Variants in PRDM12 observed in about 807,000 individuals in gnomAD.
PRDM12 encodes PR domain zinc finger protein 12.
Under a neutral mutation model 29.6 loss-of-function variants are expected in PRDM12, and 17 were observed. The ratio of observed to expected loss-of-function variants is 0.57; its 90% CI spans 0.39 to 0.86. The LOEUF (loss-of-function observed/expected upper bound fraction) is 0.86, where lower values mean the gene tolerates loss of function less well. Ranked by LOEUF, PRDM12 falls within the 40% of genes least tolerant of loss-of-function variation. The pLI, the probability that PRDM12 is intolerant of heterozygous loss-of-function variation, is 0.00. For synonymous variants in PRDM12, 231 were observed against 225.8 expected (o/e 1.02, Z -0.21); for missense variants, 422 against 510.8 (o/e 0.83, Z 1.68).
At chr9:130,669,764 C>G (rs536945446) in intron 3 of PRDM12, among the ~76,000 whole-genome samples, 29 of 143,256 alleles carry the variant, frequency 2.0e-4, no homozygotes, top group African/African-American at 7.3e-4. Flanking sequence ...TGCAGTGAGC[C>G]GAGATGGCAC....
chr9:130,669,428 C>T (rs1248288190), intron 3 of PRDM12, among the ~76,000 whole-genome samples: 1 of 152,022 alleles, frequency 6.6e-6, no homozygotes, highest in Non-Finnish European at 1.5e-5. Flanking sequence ...GAGGCTGAGG[C>T]ATGAGAATTG....
Position 130,681,890 on chromosome 9 carries a change from G to A in PRDM12, c.*221G>A. On this transcript the variant is annotated 3_prime_UTR_variant, in exon 5 of 5. Transcript: ENST00000253008. This position sits in a 1 kb window ranked among gnomAD's most constrained non-coding sequence, Gnocchi z 8.1. ...CGTCCCTCACCCAGGCCACGCAGCT[G>A]GTGCGGCTGTTCGGCCGCCTCCTCT... 7.1e-6 allele frequency: 2 copies of A among 283,636 alleles called. No individual in the cohort carries two copies. The highest frequency in any genetic ancestry group is 1.1e-5 in the Non-Finnish European group (2 of 188,526). 17.6% of individuals were successfully genotyped at this position (283,636 alleles called of 1,614,324 possible).
At chr9:130,675,296 G>T (rs527969661) in intron 3 of PRDM12, among the ~76,000 whole-genome samples, 1 of 152,340 alleles carries the variant, frequency 6.6e-6, no homozygotes, top group African/African-American at 2.4e-5. Context: ...GTTCAGCTGG[G>T]GGCTTGCTGA....
Position 130,664,720 on chromosome 9 carries a change from G to A in PRDM12, c.67G>A (p.Ala23Thr). The A allele has an allele frequency of 6.2e-7, 1 of 1,610,276 alleles. No homozygotes were observed. The highest frequency in any genetic ancestry group is 1.1e-5 in the South Asian group (1 of 90,890). The change falls in exon 1 of 5, where the codon GCG (alanine) becomes ACG (threonine). Residue 23 changes from alanine to threonine, a missense_variant. Physicochemically the swap from Ala to Thr is moderately conservative, Grantham distance 58. This residue lies in a region of PRDM12 where 300 missense variants were observed against 350.0 expected (regional missense o/e 0.86). Transcript: ENST00000253008. This position sits in a 1 kb window ranked among gnomAD's most constrained non-coding sequence, Gnocchi z 6.4. ...GACCGGGCTGAAGGCGCCGGGACTGGCGCTGGCCGAGGTTATCACCTCCGA... is the reference window on the plus strand; with the variant it reads ...GACCGGGCTGAAGGCGCCGGGACTGACGCTGGCCGAGGTTATCACCTCCGA... ...LKTGLKAPGL[A>T]LAEVITSDIL...
At chr9:130,679,192 G>A (rs1482111677) in intron 4 of PRDM12, among the ~76,000 whole-genome samples, 3 of 152,194 alleles carry the variant, frequency 2.0e-5, no homozygotes, top group Non-Finnish European at 4.4e-5. Context: ...GTGTCAGGGG[G>A]ACACTGCCCA....
In PRDM12 at chr9:130,681,197, C is replaced by G. The variant is rs1830896773; in HGVS notation, c.683-51C>G. On this transcript the variant is annotated intron_variant, in intron 4 of 4. Coordinates refer to ENST00000253008, the MANE Select transcript of PRDM12 (RefSeq NM_021619.3). The surrounding 1 kb of genome is among the most constrained non-coding windows in gnomAD (Gnocchi z 8.1). ...GGGCGCCGGTTCTAACGGGGCTGCT[C>G]TCTCCCCTTCTCCGTCTCCCTTCCC... 7.2e-7 allele frequency: 1 copy of G among 1,385,532 alleles called. No individual in the cohort carries two copies. 85.8% of individuals were successfully genotyped at this position (1,385,532 alleles called of 1,614,324 possible). A position where few individuals can be genotyped will look rare whatever the true frequency, so the allele number is the denominator to read the frequency against.
intron 4 of PRDM12, among the ~76,000 whole-genome samples, chr9:130,680,657 A>ATATATATATT (rs1554753115): frequency 1.1e-5 from 1 of 87,540 alleles, no homozygotes; most frequent in African/African-American, 7.0e-5. Flanking sequence ...ATATATATAT[A>ATATATATATT]TATTTTTTTT....
chr9:130,676,426 G>A (rs530711946), intron 3 of PRDM12, among the ~76,000 whole-genome samples: 6 of 152,278 alleles, frequency 3.9e-5, no homozygotes, highest in Admixed American at 2.6e-4. Flanking sequence ...AACCCAGGAG[G>A]TGGAGCTTGC....
chr9:130,664,666 G>A lies in PRDM12; in HGVS notation c.13G>A (p.Val5Met). Residue 5 changes from valine to methionine, a missense_variant, in exon 1 of 5, where the codon GTG (valine) becomes ATG (methionine). This residue lies in a region of PRDM12 where 300 missense variants were observed against 350.0 expected (regional missense o/e 0.86). Coordinates refer to ENST00000253008, the MANE Select transcript of PRDM12 (RefSeq NM_021619.3). The surrounding 1 kb of genome is among the most constrained non-coding windows in gnomAD (Gnocchi z 6.4). MMGS[V>M]LPAEALVLKT... ...CTCCGGGCCGCCCATGATGGGCTCC[G>A]TGCTCCCGGCTGAGGCCCTGGTGCT... is the stretch of plus-strand genomic sequence containing the variant. 5 of 1,546,298 alleles carry A rather than the reference G, an allele frequency of 3.2e-6. No homozygotes were observed. Among genetic ancestry groups the A allele is most frequent in the Non-Finnish European group, 3.5e-6 (4 of 1,144,268 alleles).
At position 130,681,170 on chromosome 9, in the gene PRDM12, C is replaced by T. The variant is rs1588189807; in HGVS notation, c.683-78C>T. 7.7e-7 allele frequency: 1 copy of T among 1,306,432 alleles called. No individual in the cohort carries two copies. Among genetic ancestry groups the T allele is most frequent in the East Asian group, 3.0e-5 (1 of 32,942 alleles). The allele number at this position is 1,306,432 out of a possible 1,614,324, so 80.9% of individuals were successfully genotyped here. ...CTGGGGGCGCTGAGGGCCCGGGCTG[C>T]GGGGCGCCGGTTCTAACGGGGCTGC... On this transcript the variant is annotated intron_variant, in intron 4 of 4. Coordinates refer to ENST00000253008, the MANE Select transcript of PRDM12 (RefSeq NM_021619.3). The surrounding 1 kb of genome is among the most constrained non-coding windows in gnomAD (Gnocchi z 8.1).
In PRDM12 at chr9:130,668,313, GGTGT is replaced by G. The variant is rs138789124; in HGVS notation, c.570+14_570+17del. 6.3e-7 allele frequency: 1 copy of G among 1,591,940 alleles called. No individual in the cohort carries two copies. The highest frequency in any genetic ancestry group is 1.1e-5 in the South Asian group (1 of 89,822). ...CCAGCATCTTCTACAAGGCCATTGAGGTGTGTGTGTGTGTGTGCACTGTTGTGTA... is the reference window on the plus strand; with the variant it reads ...CCAGCATCTTCTACAAGGCCATTGAGGTGTGTGTGTGTGCACTGTTGTGTA... On this transcript the variant is annotated splice_donor_variant and splice_donor_region_variant and intron_variant, in intron 3 of 4. Coordinates refer to ENST00000253008, the MANE Select transcript of PRDM12 (RefSeq NM_021619.3). LOFTEE classifies it high-confidence loss of function. This position sits in a 1 kb window ranked among gnomAD's most constrained non-coding sequence, Gnocchi z 4.0.
chr9:130,670,966 G>C (rs915916540), intron 3 of PRDM12, among the ~76,000 whole-genome samples: 7 of 152,194 alleles, frequency 4.6e-5, no homozygotes, highest in Admixed American at 3.3e-4. Context: ...AGGCAAGGAG[G>C]CTGAAGAATA....
In PRDM12 at chr9:130,678,534, C is replaced by T. The variant is rs1339543309; in HGVS notation, c.576C>T (p.Ile192=). 6.2e-7 allele frequency: 1 copy of T among 1,611,318 alleles called. No homozygotes were observed. The highest frequency in any genetic ancestry group is 1.3e-5 in the African/African-American group (1 of 74,918). The change falls in exon 4 of 5, where the codon ATC becomes ATT. Residue 192 remains isoleucine, a synonymous_variant. Transcript: ENST00000253008. ...TCTTGCCTTCTTCCCTGCAGATGAT[C>T]CCACCTGACCAGGAACTGCTGGTGT... ...TSIFYKAIEM[I]PPDQELLVWY...
Position 130,668,034 on chromosome 9 carries a change from A to G in PRDM12, c.415-124A>G. 7.8e-7 allele frequency: 1 copy of G among 1,283,900 alleles called. No individual in the cohort carries two copies. The highest frequency in any genetic ancestry group is 1.1e-6 in the Non-Finnish European group (1 of 930,406). 79.5% of individuals were successfully genotyped at this position (1,283,900 alleles called of 1,614,324 possible). ...CCAGCCTTCCTTTCTTCAGTGGGAA[A>G]ATGAAGCTTTATCCACTTCCTGGGG... On this transcript the variant is annotated intron_variant, in intron 2 of 4. Transcript: ENST00000253008. The surrounding 1 kb of genome is among the most constrained non-coding windows in gnomAD (Gnocchi z 4.0).
In PRDM12 at chr9:130,664,668, G is replaced by T; in HGVS notation, c.15G>T (p.Val5=). 1.3e-6 allele frequency: 2 copies of T among 1,596,560 alleles called. No homozygotes were observed. The highest frequency in any genetic ancestry group is 8.5e-7 in the Non-Finnish European group (1 of 1,175,194). The change falls in exon 1 of 5, where the codon GTG becomes GTT. Residue 5 remains valine, a synonymous_variant. Coordinates refer to ENST00000253008, the MANE Select transcript of PRDM12 (RefSeq NM_021619.3). The surrounding 1 kb of genome is among the most constrained non-coding windows in gnomAD (Gnocchi z 6.4). The stretch of plus-strand genomic sequence containing the variant: ...CCGGGCCGCCCATGATGGGCTCCGT[G>T]CTCCCGGCTGAGGCCCTGGTGCTCA... MMGS[V]LPAEALVLKT...
At chr9:130,666,100 G>A (rs982429364) in intron 1 of PRDM12, among the ~76,000 whole-genome samples, 1 of 152,174 alleles carries the variant, frequency 6.6e-6, no homozygotes, top group Non-Finnish European at 1.5e-5. Flanking sequence ...CTGCCAGCCC[G>A]AGGTCTGTCC....
At position 130,668,127 on chromosome 9, in the gene PRDM12, C is replaced by A; in HGVS notation, c.415-31C>A. 6.2e-7 allele frequency: 1 copy of A among 1,612,650 alleles called. No individual in the cohort carries two copies. The highest frequency in any genetic ancestry group is 1.1e-5 in the South Asian group (1 of 91,008). On this transcript the variant is annotated intron_variant, in intron 2 of 4. Transcript: ENST00000253008. This position sits in a 1 kb window ranked among gnomAD's most constrained non-coding sequence, Gnocchi z 4.0. ...GATGGTACACATGGCATAGCCCTGC[C>A]TTACCTGGTCCTTGATCCATCTGTG... is the stretch of plus-strand genomic sequence containing the variant.
At chr9:130,671,729 CAATCCCTG>C (rs959805750) in intron 3 of PRDM12, among the ~76,000 whole-genome samples, 1 of 152,172 alleles carries the variant, frequency 6.6e-6, no homozygotes, top group Admixed American at 6.5e-5. Flanking sequence ...TTCCCCAGGC[CAATCCCTG>C]GATGACTTGG....
At chr9:130,672,546 T>A (rs1830799839) in intron 3 of PRDM12, among the ~76,000 whole-genome samples, 1 of 152,156 alleles carries the variant, frequency 6.6e-6, no homozygotes, top group South Asian at 2.1e-4. Flanking sequence ...TCTGTTACTA[T>A]CCTCATTTTT....
Sources: allele counts gnomAD v4.1 joint callset (sites outside exome capture counted in the v4.1 genomes callset), GRCh38; gene constraint gnomAD v4.1.1; regional missense constraint gnomAD v4.1.1; non-coding constraint Gnocchi (gnomAD v3.1); transcripts MANE v1.5; gene names NCBI Gene and HGNC (gene_info 2026-07-23, HGNC 2026-07-21).